The following ROBO1 variants were observed in gnomAD, a reference collection of about 807,000 sequenced individuals.
ROBO1 encodes the protein roundabout homolog 1.
In ROBO1, 149 loss-of-function variants were observed where a neutral mutation model predicts 195.9. The ratio of observed to expected loss-of-function variants is 0.76; its 90% confidence interval spans 0.67 to 0.87. The LOEUF is 0.87. Ranked by LOEUF, ROBO1 falls within the 40% of genes least tolerant of loss-of-function variation. ROBO1 has a pLI of 0.00. For missense variants in ROBO1, 1,933 were observed against 2,068.3 expected, an observed-to-expected ratio of 0.93 and a Z score of 1.27; for synonymous variants, 816 against 733.2, an observed-to-expected ratio of 1.11 and a Z score of -1.82.
intron 2 of ROBO1, among the ~76,000 whole-genome samples, chr3:79,448,676 G>C (rs1476237063): frequency 6.6e-6 from 1 of 152,086 alleles, no homozygotes; most frequent in South Asian, 2.1e-4. Flanking sequence ...TATATGTAGA[G>C]ACTTTTTCTT....
chr3:79,610,439 A>G (rs1032019315), intron 1 of ROBO1, among the ~76,000 whole-genome samples: 1 of 151,980 alleles, frequency 6.6e-6, no homozygotes, highest in African/African-American at 2.4e-5. Context: ...AACTTCGGAA[A>G]GCAAAAATAC....
chr3:78,907,487 G>A (rs2037994830), intron 4 of ROBO1, among the ~76,000 whole-genome samples: 1 of 151,998 alleles, frequency 6.6e-6, no homozygotes, highest in African/African-American at 2.4e-5. Context: ...ATCTGACTCA[G>A]GGATGTACAG....
chr3:79,447,165 G>A (rs566130545), intron 2 of ROBO1, among the ~76,000 whole-genome samples: 2 of 152,024 alleles, frequency 1.3e-5, no homozygotes, highest in African/African-American at 2.4e-5. Context: ...GAGCCACTGC[G>A]CCTGGCCCTA....
intron 4 of ROBO1, among the ~76,000 whole-genome samples, chr3:78,854,327 A>G (rs329811): frequency 0.3 from 43,687 of 147,602 alleles, 6,597 homozygotes; most frequent in Non-Finnish European, 0.33. Context: ...ATTAGTATAT[A>G]TTTATTACTA....
chr3:78,794,417 A>C (rs2084121781), intron 4 of ROBO1, among the ~76,000 whole-genome samples: 1 of 152,170 alleles, frequency 6.6e-6, no homozygotes, highest in African/African-American at 2.4e-5. Flanking sequence ...AATTTCTAAT[A>C]GTGGTGTATG....
At chr3:79,208,287 TC>T (rs1197027863) in intron 2 of ROBO1, among the ~76,000 whole-genome samples, 1 of 152,206 alleles carries the variant, frequency 6.6e-6, no homozygotes, top group African/African-American at 2.4e-5. Flanking sequence ...CATTTTACTT[TC>T]CCCCTTTGCT....
chr3:79,193,190 A>G (rs1168019122), intron 2 of ROBO1, among the ~76,000 whole-genome samples: 3 of 151,682 alleles, frequency 2.0e-5, no homozygotes, highest in Non-Finnish European at 4.4e-5. Flanking sequence ...GAGACATAAA[A>G]GTAGATTCCT....
At chr3:78,995,959 A>C (rs13069639) in intron 3 of ROBO1, among the ~76,000 whole-genome samples, 3 of 152,032 alleles carry the variant, frequency 2.0e-5, no homozygotes, top group African/African-American at 7.2e-5. Flanking sequence ...ACCAGAGAAC[A>C]TGGGGGCTGC....
intron 5 of ROBO1, among the ~76,000 whole-genome samples, chr3:78,734,118 T>C (rs3773241): frequency 0.18 from 27,035 of 152,100 alleles, 2,956 homozygotes; most frequent in East Asian, 0.47. Flanking sequence ...TTTTGACTAA[T>C]AGATCATGGA....
At chr3:79,098,149 A>C (rs1452818314) in intron 3 of ROBO1, among the ~76,000 whole-genome samples, 1 of 151,852 alleles carries the variant, frequency 6.6e-6, no homozygotes, top group Admixed American at 6.6e-5. Flanking sequence ...GATGAGATTT[A>C]TAGGCTGAGG....
At chr3:79,680,002 C>T (rs374425829) in intron 1 of ROBO1, among the ~76,000 whole-genome samples, 1 of 151,934 alleles carries the variant, frequency 6.6e-6, no homozygotes, top group Non-Finnish European at 1.5e-5. Context: ...CTTCCAATAA[C>T]CCCCAAATTT....
In ROBO1 at chr3:79,520,803, T is replaced by C. The variant is rs1318988740; in HGVS notation, c.88+69021A>G. ...AAACTAATGTCTCTTGGTTCAAAAA[T>C]AGTTTTGAAACACTAACCTAGAAGC... On this transcript the variant is annotated intron_variant, in intron 2 of 30. Transcript: ENST00000464233. 2.0e-5 allele frequency among the ~76,000 whole-genome samples: 3 copies of C among 151,362 alleles called. No homozygotes were observed. In the East Asian group the frequency reaches 5.8e-4, roughly 29 times the overall value.
chr3:79,634,238 A>G (rs1945430757), intron 1 of ROBO1, among the ~76,000 whole-genome samples: 1 of 152,210 alleles, frequency 6.6e-6, no homozygotes, highest in African/African-American at 2.4e-5. Flanking sequence ...AAGAGGTGAC[A>G]TGAAAAGTGG....
At chr3:79,629,361 T>C (rs995466661) in intron 1 of ROBO1, among the ~76,000 whole-genome samples, 1 of 152,010 alleles carries the variant, frequency 6.6e-6, no homozygotes, top group Admixed American at 6.6e-5. Context: ...CTCAAAACTA[T>C]ACAAATACAT....
intron 2 of ROBO1, among the ~76,000 whole-genome samples, chr3:79,355,830 A>T (rs2035529332): frequency 6.6e-6 from 1 of 152,154 alleles, no homozygotes; most frequent in Non-Finnish European, 1.5e-5. Context: ...ATTTAGGTTG[A>T]TTCTGTATCT....
At chr3:79,142,135 G>T (rs1277760838) in intron 2 of ROBO1, among the ~76,000 whole-genome samples, 3 of 152,080 alleles carry the variant, frequency 2.0e-5, no homozygotes, top group Non-Finnish European at 4.4e-5. Context: ...TTTAAGAAAT[G>T]TGTTTATTTG....
At chr3:79,136,885 T>C (rs755878115) in intron 2 of ROBO1, among the ~76,000 whole-genome samples, 23 of 152,156 alleles carry the variant, frequency 1.5e-4, no homozygotes, top group Admixed American at 7.9e-4. Flanking sequence ...AAATATTTAG[T>C]AAGTGATGCA....
chr3:78,906,097 C>G (rs906031401), intron 4 of ROBO1, among the ~76,000 whole-genome samples: 4 of 152,068 alleles, frequency 2.6e-5, no homozygotes, highest in African/African-American at 9.7e-5. Context: ...CTATTGCTAA[C>G]AACATTCTTA....
chr3:78,628,556 T>C (rs529063257), intron 25 of ROBO1, among the ~76,000 whole-genome samples: 7 of 152,180 alleles, frequency 4.6e-5, no homozygotes, highest in Non-Finnish European at 7.4e-5. Context: ...ATAAGGGCAA[T>C]GAAGTACTAC....
Sources: gnomAD v4.1 joint callset for allele counts (sites outside exome capture counted in the v4.1 genomes callset) on GRCh38, gnomAD v4.1.1 for gene constraint, MANE v1.5 for transcripts, NCBI Gene and HGNC (gene_info 2026-07-23, HGNC 2026-07-21) for gene names.